SGSM2: variants seen among roughly 807,000 people sequenced by gnomAD.
SGSM2 encodes RUN and TBC1 domain containing 1.
Under a neutral mutation model 126.6 loss-of-function variants are expected in SGSM2, and 89 were observed. The ratio of observed to expected loss-of-function variants is 0.70; its 90% CI spans 0.59 to 0.84. The LOEUF (loss-of-function observed/expected upper bound fraction) is 0.84. Among genes scored for constraint, SGSM2 ranks in the 40% least tolerant of loss-of-function variants. SGSM2 has a pLI of 0.00. For missense variants in SGSM2, 1,404 were observed against 1,416.6 expected, an observed-to-expected ratio of 0.99 and a Z score of 0.14; for synonymous variants, 614 against 574.3, an observed-to-expected ratio of 1.07 and a Z score of -0.99.
chr17:2,369,734 G>A (rs918797484), intron 12 of SGSM2, among the ~76,000 whole-genome samples: 3 of 150,516 alleles, frequency 2.0e-5, no homozygotes, highest in Non-Finnish European at 4.4e-5. Context: ...CCTGCTGCCT[G>A]CCTGGCTGGG....
At chr17:2,356,967 G>A (rs574152839) in intron 2 of SGSM2, among the ~76,000 whole-genome samples, 2 of 150,188 alleles carry the variant, frequency 1.3e-5, no homozygotes, top group Admixed American at 6.6e-5. Flanking sequence ...GAATTGGGGT[G>A]TAAGGGTTAG....
rs1597400865 is a variant in SGSM2 at position 2,378,496 on chromosome 17, A to G, written c.2900-540A>G. On this transcript the variant is annotated intron_variant, in intron 22 of 23. Transcript: ENST00000268989. ...TGGTGAGCTGAGATTGTGCCACTGC[A>G]CTCCAGCCTGGGCAACAGAGCCAGA... 2.6e-5 allele frequency among the ~76,000 whole-genome samples: 4 copies of G among 151,646 alleles called. No homozygotes were observed. The South Asian group carries it at 8.4e-4, about 32-fold the overall frequency.
chr17:2,346,640 T>C (rs1341532465), intron 2 of SGSM2, among the ~76,000 whole-genome samples: 3 of 152,070 alleles, frequency 2.0e-5, no homozygotes, highest in Non-Finnish European at 2.9e-5. Flanking sequence ...GTAGAAACTT[T>C]CCTTGTGTGG....
At position 2,372,368 on chromosome 17, in the gene SGSM2, C is replaced by T. The variant is rs1309250336; in HGVS notation, c.1668C>T (p.Ser556=). The T allele has an allele frequency of 6.3e-7, 1 of 1,591,166 alleles. No homozygotes were observed. The highest frequency in any genetic ancestry group is 8.5e-7 in the Non-Finnish European group (1 of 1,169,710). The part of the protein sequence containing the change: ...YGWLAHCRHL[S]TVRTHLSALV... ...GGCTGGCACACTGCCGCCACCTGTC[C>T]ACGGTGCGGACCCACCTGTCGGCGC... The change falls in exon 15 of 24, where the codon TCC becomes TCT. Residue 556 remains serine, a synonymous_variant. Transcript: ENST00000268989. This position sits in a 1 kb window ranked among gnomAD's most constrained non-coding sequence, Gnocchi z 6.0.
chr17:2,375,715 G>A lies in SGSM2; in HGVS notation c.2324G>A (p.Gly775Asp). 1 of 1,611,440 alleles carries A rather than the reference G, an allele frequency of 6.2e-7. No individual in the cohort carries two copies. The highest frequency in any genetic ancestry group is 1.7e-4 in the Middle Eastern group (1 of 5,932). ...QSSLDEGQSV[G>D]FEEEDGGGEE... ...AGCCTAGATGAGGGGCAGAGCGTGG[G>A]CTTCGAAGAGGAGGACGGCGGTGGG... Residue 775 changes from glycine to aspartate, a missense_variant, in exon 18 of 24, where the codon GGC (glycine) becomes GAC (aspartate). Physicochemically the swap from Gly to Asp is moderately conservative, Grantham distance 94. Transcript: ENST00000268989.
Position 2,380,705 on chromosome 17 carries a change from T to A in SGSM2, c.*1185T>A. 3.8e-6 allele frequency: 1 copy of A among 264,744 alleles called. No homozygotes were observed. The highest frequency in any genetic ancestry group is 7.4e-6 in the Non-Finnish European group (1 of 135,988). The allele number at this position is 264,744 out of a possible 1,614,324, so 16.4% of individuals were successfully genotyped here. A position where few individuals can be genotyped will look rare whatever the true frequency, so the allele number is the denominator to read the frequency against. On this transcript the variant is annotated 3_prime_UTR_variant, in exon 24 of 24. Coordinates refer to ENST00000268989, the MANE Select transcript of SGSM2 (RefSeq NM_014853.3). ...AACACATGCAGGCTAGGCCTTGCCC[T>A]GGAACATGGAGGCCCTGCCCGGGGC...
In SGSM2 at chr17:2,372,501, G is replaced by C. The variant is rs2065920329; in HGVS notation, c.1788+13G>C. 1.3e-6 allele frequency: 2 copies of C among 1,595,930 alleles called. No homozygotes were observed. Among genetic ancestry groups the C allele is most frequent in the Non-Finnish European group, 1.7e-6 (2 of 1,175,058 alleles). On this transcript the variant is annotated intron_variant, in intron 15 of 23. Coordinates refer to ENST00000268989, the MANE Select transcript of SGSM2 (RefSeq NM_014853.3). The surrounding 1 kb of genome is among the most constrained non-coding windows in gnomAD (Gnocchi z 6.0). ...GAAGGACAAAAAGGTGCCAACCCTG[G>C]GGTTCCAGGGCCACAGGTCGAGGGG...
chr17:2,350,747 A>C (rs377099429), intron 2 of SGSM2, among the ~76,000 whole-genome samples: 5 of 152,306 alleles, frequency 3.3e-5, no homozygotes, highest in African/African-American at 1.2e-4. Flanking sequence ...GAAGGCAGGG[A>C]CTGGGCATGA....
rs768741016 is a variant in SGSM2 at position 2,363,692 on chromosome 17, T to C, written c.807+93T>C. On this transcript the variant is annotated intron_variant, in intron 7 of 23. Transcript: ENST00000268989. This position sits in a 1 kb window ranked among gnomAD's most constrained non-coding sequence, Gnocchi z 4.2. Reference sequence around the variant, plus strand: ...CATGGCTATTCCTTTCCTGAGGAGCTTGACCAGAGACGGGGGGGAGAATGG... The same window carrying C: ...CATGGCTATTCCTTTCCTGAGGAGCCTGACCAGAGACGGGGGGGAGAATGG... 660 of 1,525,546 alleles carry C rather than the reference T, an allele frequency of 4.3e-4. No individual in the cohort carries two copies. The highest frequency in any genetic ancestry group is 5.5e-4 in the Non-Finnish European group (624 of 1,127,848). The allele number at this position is 1,525,546 out of a possible 1,614,324, so 94.5% of individuals were successfully genotyped here.
chr17:2,365,337 G>A lies in SGSM2; in HGVS notation c.1284G>A (p.Glu428=). Residue 428 remains glutamate, a synonymous_variant, in exon 11 of 24, where the codon GAG becomes GAA. Transcript: ENST00000268989. ...FRIIYPGHRH[E]HITINYHHLA... ...TCATCTACCCCGGCCACAGGCACGA[G>A]CACAGTGAGTGTCCCGAGCTTCATC... 6.4e-7 allele frequency: 1 copy of A among 1,554,630 alleles called. No homozygotes were observed. Among genetic ancestry groups the A allele is most frequent in the African/African-American group, 1.4e-5 (1 of 73,498 alleles).
In SGSM2 at chr17:2,367,320, C is replaced by G. The variant is rs139683790; in HGVS notation, c.1338C>G (p.Asp446Glu). Residue 446 changes from aspartate (D) to glutamate (E), a missense_variant, in exon 12 of 24, where the codon GAC becomes GAG. By Grantham distance (45) the Asp-to-Glu change is conservative (BLOSUM62 2). Coordinates refer to ENST00000268989, the MANE Select transcript of SGSM2 (RefSeq NM_014853.3). The surrounding 1 kb of genome is among the most constrained non-coding windows in gnomAD (Gnocchi z 4.0). ...CGGCCAGCCGCGCGGCCTCGGTGGA[C>G]GATGATGAGGAAGAGGAGGATAAAC... ...HLAASRAASV[D>E]DDEEEEDKLH... The G allele has an allele frequency of 6.2e-7, 1 of 1,614,138 alleles. No individual in the cohort carries two copies. Among genetic ancestry groups the G allele is most frequent in the Admixed American group, 1.7e-5 (1 of 60,018 alleles).
chr17:2,346,276 C>T (rs961317348), intron 2 of SGSM2, among the ~76,000 whole-genome samples: 2 of 152,254 alleles, frequency 1.3e-5, no homozygotes, highest in African/African-American at 4.8e-5. Flanking sequence ...TCAAGGGACC[C>T]TTGTGTACTG....
In SGSM2 at chr17:2,372,833, C is replaced by A; in HGVS notation, c.1789-120C>A. The A allele has an allele frequency of 7.3e-7, 1 of 1,376,298 alleles. No homozygotes were observed. Among genetic ancestry groups the A allele is most frequent in the Non-Finnish European group, 9.7e-7 (1 of 1,028,232 alleles). 85.3% of individuals were successfully genotyped at this position (1,376,298 alleles called of 1,614,324 possible). On this transcript the variant is annotated intron_variant, in intron 15 of 23. Transcript: ENST00000268989. This position sits in a 1 kb window ranked among gnomAD's most constrained non-coding sequence, Gnocchi z 6.0. The stretch of plus-strand genomic sequence containing the variant: ...CGTGGCCACCCCAAAGCAGGCCTTG[C>A]CTGGGCTTCAGCAGTCACTACAGGC...
Position 2,364,000 on chromosome 17 carries a change from G to T in SGSM2, c.808-59G>T, listed in dbSNP as rs1301660137. 2 of 1,610,908 alleles carry T rather than the reference G, an allele frequency of 1.2e-6. No homozygotes were observed. The highest frequency in any genetic ancestry group is 2.2e-5 in the South Asian group (2 of 91,006). On this transcript the variant is annotated intron_variant, in intron 7 of 23. Transcript: ENST00000268989. This position sits in a 1 kb window ranked among gnomAD's most constrained non-coding sequence, Gnocchi z 4.2. ...CCCAGCGGGAGCTCATTTCTCATAGGCCATCCCTGAGAGCCTCTCAGCCCT... is the reference window on the plus strand; with the variant it reads ...CCCAGCGGGAGCTCATTTCTCATAGTCCATCCCTGAGAGCCTCTCAGCCCT...
intron 2 of SGSM2, among the ~76,000 whole-genome samples, chr17:2,346,855 G>A (rs912642509): frequency 2.0e-5 from 3 of 152,182 alleles, no homozygotes; most frequent in African/African-American, 7.2e-5. Flanking sequence ...CTGGGAGGCT[G>A]AGGCGGGAGG....
rs1442383280 is a variant in SGSM2 at position 2,377,940 on chromosome 17, G to T, written c.2886G>T (p.Leu962=). The T allele has an allele frequency of 6.2e-7, 1 of 1,609,580 alleles. No homozygotes were observed. Among genetic ancestry groups the T allele is most frequent in the African/African-American group, 1.3e-5 (1 of 74,854 alleles). Reference sequence around the variant, plus strand: ...ACTTCTGTTATCGCTGGTTCCTGCTGGATTTTAAGAGAGGTAAGAAGTGGG... The same window carrying T: ...ACTTCTGTTATCGCTGGTTCCTGCTTGATTTTAAGAGAGGTAAGAAGTGGG... ...HFYFCYRWFL[L]DFKRELLYED... Residue 962 remains leucine, a synonymous_variant, in exon 22 of 24, where the codon CTG becomes CTT. Coordinates refer to ENST00000268989, the MANE Select transcript of SGSM2 (RefSeq NM_014853.3).
chr17:2,363,085 G>A lies in SGSM2; in HGVS notation c.623G>A (p.Arg208Gln), dbSNP rs747499528. 1.7e-5 allele frequency: 27 copies of A among 1,613,162 alleles called. No individual in the cohort carries two copies. In the East Asian group the frequency reaches 1.8e-4, roughly 11 times the overall value. ...ADELVQRHRI[R>Q]GPPTRQDSPA... ...GAGCTGGTCCAGCGGCACCGCATCCGGGGTCCACCTACTCGCCAGGACTCC... is the reference window on the plus strand; with the variant it reads ...GAGCTGGTCCAGCGGCACCGCATCCAGGGTCCACCTACTCGCCAGGACTCC... Residue 208 changes from arginine to glutamine, a missense_variant, in exon 6 of 24, where the codon CGG becomes CAG. Transcript: ENST00000268989. This position sits in a 1 kb window ranked among gnomAD's most constrained non-coding sequence, Gnocchi z 4.2.
intron 2 of SGSM2, among the ~76,000 whole-genome samples, chr17:2,347,235 A>C (rs1424564098): frequency 6.6e-6 from 1 of 152,058 alleles, no homozygotes. Flanking sequence ...CCTCCTGAGT[A>C]GCTGGGATTA....
chr17:2,366,583 C>T (rs1597368133), intron 11 of SGSM2: 3 of 152,310 alleles, frequency 2.0e-5, no homozygotes, highest in East Asian at 1.9e-4. Context: ...GACAAAGAGA[C>T]GCATCTTTGG....
Sources: gnomAD v4.1 joint callset for allele counts (sites outside exome capture counted in the v4.1 genomes callset) on GRCh38, gnomAD v4.1.1 for gene constraint, Gnocchi (gnomAD v3.1) non-coding constraint, MANE v1.5 for transcripts, NCBI Gene and HGNC (gene_info 2026-07-23, HGNC 2026-07-21) for gene names.